The following TSPAN9 variants were observed in gnomAD, a reference collection of about 807,000 sequenced individuals.
The protein encoded by TSPAN9 is tetraspanin 9.
In TSPAN9, 16 loss-of-function variants were observed where a neutral mutation model predicts 31.0. The observed-to-expected ratio is 0.52, with a 90% CI of 0.35 to 0.78. The LOEUF (loss-of-function observed/expected upper bound fraction) is 0.78, where lower values mean the gene tolerates loss of function less well. TSPAN9 is among the 30% of genes least tolerant of loss of function. The probability of loss-of-function intolerance (pLI) is 0.01; values close to 1 mark genes in which losing one functional copy is unlikely to be tolerated. For synonymous variants in TSPAN9, 145 were observed against 121.6 expected, an observed-to-expected ratio of 1.19 and a Z score of -1.27; for missense variants, 272 against 312.5, an observed-to-expected ratio of 0.87 and a Z score of 0.98.
chr12:3,082,859 T>C (rs903695424), intron 1 of TSPAN9, among the ~76,000 whole-genome samples: 1 of 152,150 alleles, frequency 6.6e-6, no homozygotes, highest in African/African-American at 2.4e-5. Flanking sequence ...GGATTCTAAT[T>C]CCCTCTGATG....
chr12:3,095,433 C>T (rs951752352), intron 2 of TSPAN9, among the ~76,000 whole-genome samples: 8 of 149,112 alleles, frequency 5.4e-5, no homozygotes, highest in Non-Finnish European at 1.2e-4. Flanking sequence ...CTCCTCACTT[C>T]CCAGTAGGGG....
At position 3,210,014 on chromosome 12, in the gene TSPAN9, T is replaced by C. The variant is rs1417175656; in HGVS notation, c.63+8758T>C. 1.2e-4 allele frequency among the ~76,000 whole-genome samples: 16 copies of C among 136,950 alleles called. No homozygotes were observed. In the South Asian group the frequency reaches 1.4e-3, roughly 12 times the overall value. 89.8% of individuals were successfully genotyped at this position (136,950 alleles called of 152,430 possible). On this transcript the variant is annotated intron_variant, in intron 3 of 8. Transcript: ENST00000011898. ...AGCCGGGTGTGGTGGCGGGTGCCTGTAGTCCCAACTACTTGGGAGGCTGAG... is the reference window on the plus strand; with the variant it reads ...AGCCGGGTGTGGTGGCGGGTGCCTGCAGTCCCAACTACTTGGGAGGCTGAG...
intron 2 of TSPAN9, among the ~76,000 whole-genome samples, chr12:3,089,858 A>T (rs2153963046): frequency 6.6e-6 from 1 of 152,242 alleles, no homozygotes; most frequent in South Asian, 2.1e-4. Context: ...GTGAGCTGTG[A>T]TCACGCCGCT....
At chr12:3,246,976 C>T (rs768835146) in intron 3 of TSPAN9, among the ~76,000 whole-genome samples, 13 of 152,032 alleles carry the variant, frequency 8.6e-5, no homozygotes, top group Non-Finnish European at 1.3e-4. Flanking sequence ...TGCTTTTGGC[C>T]GCTGGGAGGA....
At chr12:3,100,838 A>G (rs1365804309) in intron 2 of TSPAN9, among the ~76,000 whole-genome samples, 1 of 152,210 alleles carries the variant, frequency 6.6e-6, no homozygotes, top group African/African-American at 2.4e-5. Flanking sequence ...TACAAAGATG[A>G]TATGGTGTTT....
rs899603509 is a variant in TSPAN9, at chr12:3,099,840, C to CTT, written c.-18+16139_-18+16140dup. ...CCTGTGTTTTTGAGGTCTGTCCACT[C>CTT]TTTTTTTTTTTTTTTTTTTGGGACG... On this transcript the variant is annotated intron_variant, in intron 2 of 8. Transcript: ENST00000011898. Among the ~76,000 whole-genome samples, 431 of 123,584 alleles carry CTT rather than the reference C, an allele frequency of 3.5e-3. 3 individuals are homozygous for CTT. Among genetic ancestry groups the CTT allele is most frequent in the East Asian group, 0.011 (47 of 4,242 alleles). The allele number at this position is 123,584 out of a possible 152,430, so 81.1% of individuals were successfully genotyped here.
In TSPAN9 at chr12:3,254,638, G is replaced by A. The variant is rs1309620023; in HGVS notation, c.64-23783G>A. 2.6e-5 allele frequency among the ~76,000 whole-genome samples: 4 copies of A among 152,216 alleles called. No individual in the cohort carries two copies. In the East Asian group the frequency reaches 5.8e-4, roughly 22 times the overall value. ...CCAGGCACCAGGCACTGCTTCAAGT[G>A]CTTTTTGTGTATTAACTTATTTTTG... On this transcript the variant is annotated intron_variant, in intron 3 of 8. Transcript: ENST00000011898.
chr12:3,127,325 C>T (rs1053309439), intron 2 of TSPAN9, among the ~76,000 whole-genome samples: 1 of 151,956 alleles, frequency 6.6e-6, no homozygotes, highest in African/African-American at 2.4e-5. Context: ...TGTAAAGGAC[C>T]TGCTTGAGGC....
chr12:3,169,199 TA>T (rs1340870608), intron 2 of TSPAN9, among the ~76,000 whole-genome samples: 3 of 151,932 alleles, frequency 2.0e-5, no homozygotes, highest in African/African-American at 4.9e-5. Flanking sequence ...TCTTCCTCCT[TA>T]GTCTGCAGAA....
intron 3 of TSPAN9, among the ~76,000 whole-genome samples, chr12:3,219,356 T>A (rs2098383082): frequency 6.6e-6 from 1 of 152,188 alleles, no homozygotes; most frequent in Non-Finnish European, 1.5e-5. Context: ...ACTGCCTTAG[T>A]TTGTCACCAT....
chr12:3,254,784 T>C (rs1180568733), intron 3 of TSPAN9, among the ~76,000 whole-genome samples: 1 of 152,266 alleles, frequency 6.6e-6, no homozygotes, highest in Non-Finnish European at 1.5e-5. Context: ...TCCCCAGTGC[T>C]GTCCTTATAA....
Position 3,286,088 on chromosome 12 carries a change from G to A in TSPAN9, c.*2972G>A, listed in dbSNP as rs1863009793. On this transcript the variant is annotated 3_prime_UTR_variant, in exon 9 of 9. Coordinates refer to ENST00000011898, the MANE Select transcript of TSPAN9 (RefSeq NM_006675.5). This position sits in a 1 kb window ranked among gnomAD's most constrained non-coding sequence, Gnocchi z 4.1. Reference sequence around the variant, plus strand: ...CTTTCCAGGCTTTGGTGGCCCAAGAGCAGTCTGGGTGGATGGAAGTGGCTG... The same window carrying A: ...CTTTCCAGGCTTTGGTGGCCCAAGAACAGTCTGGGTGGATGGAAGTGGCTG... The A allele has an allele frequency of 6.5e-6, 1 of 152,770 alleles. No homozygotes were observed. The highest frequency in any genetic ancestry group is 6.5e-5 in the Admixed American group (1 of 15,288). The allele number at this position is 152,770 out of a possible 1,614,324, so 9.5% of individuals were successfully genotyped here.
intron 3 of TSPAN9, among the ~76,000 whole-genome samples, chr12:3,212,539 C>G (rs539963708): frequency 6.6e-6 from 1 of 152,192 alleles, no homozygotes; most frequent in Non-Finnish European, 1.5e-5. Context: ...TTCCAAAGTG[C>G]TGCGATTACA....
chr12:3,115,320 A>G (rs2098321695), intron 2 of TSPAN9, among the ~76,000 whole-genome samples: 1 of 152,070 alleles, frequency 6.6e-6, no homozygotes, highest in African/African-American at 2.4e-5. Context: ...GTTTATCTGT[A>G]CCCATTCGTC....
intron 2 of TSPAN9, among the ~76,000 whole-genome samples, chr12:3,188,454 G>T (rs763475757): frequency 6.6e-6 from 1 of 152,102 alleles, no homozygotes; most frequent in Non-Finnish European, 1.5e-5. Flanking sequence ...TGCTAGTCAG[G>T]TACCCGGGCC....
In TSPAN9 at chr12:3,126,293, T is replaced by C. The variant is rs1591638902; in HGVS notation, c.-18+42574T>C. ...ATGCACTGTTAGGTGATTTTGTTGT[T>C]GCGTGAACATCAGAGTGCACTTACA... On this transcript the variant is annotated intron_variant, in intron 2 of 8. Coordinates refer to ENST00000011898, the MANE Select transcript of TSPAN9 (RefSeq NM_006675.5). Among the ~76,000 whole-genome samples the C allele has an allele frequency of 2.0e-5, 3 of 152,362 alleles. No individual in the cohort carries two copies. The East Asian group carries it at 5.8e-4, about 29-fold the overall frequency.
At chr12:3,158,027 A>G (rs1200234187) in intron 2 of TSPAN9, among the ~76,000 whole-genome samples, 1 of 152,190 alleles carries the variant, frequency 6.6e-6, no homozygotes, top group Admixed American at 6.5e-5. Context: ...GGAAAAGATG[A>G]AGGACTGTCA....
Position 3,283,125 on chromosome 12 carries a change from G to A in TSPAN9, c.*9G>A. On this transcript the variant is annotated 3_prime_UTR_variant, in exon 9 of 9. Coordinates refer to ENST00000011898, the MANE Select transcript of TSPAN9 (RefSeq NM_006675.5). ...AGAAGTACGACGCATGAGCGGGCTGGCCGGGAGTGCCCACCCCGCCCTGCT... is the reference window on the plus strand; with the variant it reads ...AGAAGTACGACGCATGAGCGGGCTGACCGGGAGTGCCCACCCCGCCCTGCT... The A allele has an allele frequency of 6.2e-7, 1 of 1,606,746 alleles. No homozygotes were observed.
chr12:3,116,234 A>G (rs550467907), intron 2 of TSPAN9, among the ~76,000 whole-genome samples: 1 of 152,342 alleles, frequency 6.6e-6, no homozygotes, highest in East Asian at 1.9e-4. Context: ...GCTGCATAGC[A>G]GATCAGGATG....
Sources: allele counts gnomAD v4.1 joint callset (sites outside exome capture counted in the v4.1 genomes callset), GRCh38; gene constraint gnomAD v4.1.1; non-coding constraint Gnocchi (gnomAD v3.1); transcripts MANE v1.5; gene names NCBI Gene and HGNC (gene_info 2026-07-23, HGNC 2026-07-21).